Variants in XPNPEP1 observed in about 807,000 individuals in gnomAD.
The protein encoded by XPNPEP1 is xaa-Pro aminopeptidase 1.
In XPNPEP1, 39 loss-of-function variants were observed where a neutral mutation model predicts 92.4. The ratio of observed to expected loss-of-function variants is 0.42; its 90% CI spans 0.33 to 0.55. The LOEUF is 0.55. XPNPEP1 is among the 20% of genes least tolerant of loss of function. The pLI is 0.08. For synonymous variants in XPNPEP1, 307 were observed against 299.4 expected, an observed-to-expected ratio of 1.03 and a Z score of -0.26; for missense variants, 654 against 856.1, an observed-to-expected ratio of 0.76 and a Z score of 2.95.
chr10:109,907,881 G>T, intron 2 of XPNPEP1, 66 bp from the exon 3 acceptor site: 1 of 1,594,798 alleles, frequency 6.3e-7, no homozygotes, highest in South Asian at 1.1e-5. Context: ...CCAGTTCGAA[G>T]TGGGCCACAG....
At chr10:109,896,060 T>G (rs972333747) in intron 3 of XPNPEP1, among the ~76,000 whole-genome samples, 2 of 152,212 alleles carry the variant, frequency 1.3e-5, no homozygotes, top group Admixed American at 6.5e-5. Flanking sequence ...TCTTTGCATA[T>G]CCTGAGCTCA....
chr10:109,889,911 T>C (rs527958786), intron 5 of XPNPEP1, among the ~76,000 whole-genome samples: 11 of 152,358 alleles, frequency 7.2e-5, no homozygotes, highest in African/African-American at 2.6e-4. Context: ...ATTCTGCTAT[T>C]TGATTCTTTC....
chr10:109,893,294 C>T, intron 3 of XPNPEP1: 1 of 438,726 alleles, frequency 2.3e-6, no homozygotes, highest in Non-Finnish European at 4.1e-6. Flanking sequence ...CCTTTAGCCT[C>T]TATTTCCTCA....
intron 5 of XPNPEP1, among the ~76,000 whole-genome samples, chr10:109,890,628 G>A (rs910701373): frequency 1.3e-5 from 2 of 148,408 alleles, no homozygotes; most frequent in African/African-American, 5.0e-5. Flanking sequence ...GAGAGAGAAA[G>A]GGAAAGAGAA....
rs1469975191 is a variant in XPNPEP1, at chr10:109,873,426, C to T, written c.1393G>A (p.Asp465Asn). ...YLIDSGAQYK[D>N]GTTDVTRTMH... ...GTCCGCGTCACATCTGTGGTGCCAT[C>T]CCTTTCCAAAAAAAGGACAAATTGG... is the stretch of plus-strand genomic sequence containing the variant. Residue 465 changes from aspartate (D) to asparagine (N), a missense_variant and splice_region_variant, in exon 16 of 21, where the codon GAT becomes AAT. Physicochemically the swap from Asp to Asn is conservative, Grantham distance 23. Coordinates refer to ENST00000502935, the MANE Select transcript of XPNPEP1 (RefSeq NM_020383.4). 6.2e-7 allele frequency: 1 copy of T among 1,614,052 alleles called. No individual in the cohort carries two copies. The highest frequency in any genetic ancestry group is 8.5e-7 in the Non-Finnish European group (1 of 1,179,990).
chr10:109,883,458 T>C (rs952564410), intron 9 of XPNPEP1, among the ~76,000 whole-genome samples: 2 of 152,196 alleles, frequency 1.3e-5, no homozygotes, highest in African/African-American at 2.4e-5. Flanking sequence ...ACAAGCAGAC[T>C]GGTGCCCACT....
At chr10:109,869,909 T>C (rs1847356582) in intron 19 of XPNPEP1, 44 bp downstream of exon 19, 1 of 1,599,858 alleles carries the variant, frequency 6.3e-7, no homozygotes, top group African/African-American at 1.3e-5. Flanking sequence ...CGAGGCGTGA[T>C]TATTGCTAAT....
At position 109,865,176 on chromosome 10, in the gene XPNPEP1, G is replaced by A. The variant is rs1362087169; in HGVS notation, c.*8C>T. 1 of 1,614,054 alleles carries A rather than the reference G, an allele frequency of 6.2e-7. No homozygotes were observed. Among genetic ancestry groups the A allele is most frequent in the African/African-American group, 1.3e-5 (1 of 75,024 alleles). ...CATTTTACAAAAACAAAACCGGGGA[G>A]GTATTTATTAATGCTGTTTGGAGAT... On this transcript the variant is annotated 3_prime_UTR_variant, in exon 21 of 21. Transcript: ENST00000502935.
chr10:109,908,006 A>G (rs1589621410), intron 2 of XPNPEP1, among the ~76,000 whole-genome samples, 191 bp from the exon 3 acceptor site: 1 of 152,216 alleles, frequency 6.6e-6, no homozygotes, highest in Admixed American at 6.5e-5. Flanking sequence ...GTTCTTAAAT[A>G]CTACCTCCAA....
intron 2 of XPNPEP1, 122 bp downstream of exon 2, chr10:109,914,889 T>G: frequency 2.1e-6 from 1 of 472,904 alleles, no homozygotes; most frequent in Non-Finnish European, 3.5e-6. Context: ...TTCCAGATAC[T>G]AACCCCCAGT....
At chr10:109,923,091 G>A (rs549561623) in intron 1 of XPNPEP1, 1 of 913,218 alleles carries the variant, frequency 1.1e-6, no homozygotes. Flanking sequence ...GCCTTCCCGC[G>A]GGCCAGGAAC....
At chr10:109,888,643 T>TAAGAAA in intron 5 of XPNPEP1, 48 bp from the exon 6 acceptor site, 1 of 1,436,296 alleles carries the variant, frequency 7.0e-7, no homozygotes, top group South Asian at 1.3e-5. Context: ...GGGCCCACGC[T>TAAGAAA]CATTATCCCA....
rs892795342 is a variant in XPNPEP1, at chr10:109,888,560, C to T, written c.451G>A (p.Val151Met). The change falls in exon 6 of 21, where the codon GTG becomes ATG. Residue 151 changes from valine to methionine, a missense_variant. Coordinates refer to ENST00000502935, the MANE Select transcript of XPNPEP1 (RefSeq NM_020383.4). Reference protein sequence around the residue: ...KDTPTQEDWLVSVLPEGSRVG... With the variant: ...KDTPTQEDWLMSVLPEGSRVG... ...CTGGATCCTTCAGGAAGCACACTCACCAGCCAGTCTTCCTGAGTTGGTGTG... is the reference window on the plus strand; with the variant it reads ...CTGGATCCTTCAGGAAGCACACTCATCAGCCAGTCTTCCTGAGTTGGTGTG... The T allele has an allele frequency of 1.2e-6, 2 of 1,611,176 alleles. No homozygotes were observed. Among genetic ancestry groups the T allele is most frequent in the Non-Finnish European group, 1.7e-6 (2 of 1,178,600 alleles).
chr10:109,907,918 C>T, intron 2 of XPNPEP1, 103 bp from the exon 3 acceptor site: 1 of 1,518,236 alleles, frequency 6.6e-7, no homozygotes. Context: ...CGTTCTGCCC[C>T]ACTCCCAGTT....
intron 3 of XPNPEP1, among the ~76,000 whole-genome samples, chr10:109,902,431 G>A (rs1445670552): frequency 1.3e-5 from 2 of 152,230 alleles, no homozygotes. Flanking sequence ...CAAGCAACTA[G>A]TAAGTAGCAA....
At position 109,882,428 on chromosome 10, in the gene XPNPEP1, C is replaced by A; in HGVS notation, c.1041+4G>T. On this transcript the variant is annotated splice_donor_region_variant and intron_variant, in intron 10 of 20. Coordinates refer to ENST00000502935, the MANE Select transcript of XPNPEP1 (RefSeq NM_020383.4). ...TTTAGATGGGCCAAAGTGGGGTCAC[C>A]AACCTTGGGGATGGTCTCGCTCACA... 1 of 1,607,942 alleles carries A rather than the reference C, an allele frequency of 6.2e-7. No individual in the cohort carries two copies. The highest frequency in any genetic ancestry group is 1.7e-5 in the Admixed American group (1 of 59,916).
chr10:109,893,868 C>T (rs994738051), intron 3 of XPNPEP1: 1 of 152,262 alleles, frequency 6.6e-6, no homozygotes, highest in Admixed American at 6.5e-5. Flanking sequence ...AAGCAGTCAA[C>T]TCCAGAGTCT....
At chr10:109,905,671 C>G (rs2133516212) in intron 3 of XPNPEP1, among the ~76,000 whole-genome samples, 1 of 152,270 alleles carries the variant, frequency 6.6e-6, no homozygotes, top group Middle Eastern at 3.4e-3. Flanking sequence ...GTTAACACTA[C>G]AGTATTGTAC....
rs1174749316 is a variant in XPNPEP1 at position 109,891,770 on chromosome 10, G to T, written c.367C>A (p.Leu123Ile). 1 of 1,598,674 alleles carries T rather than the reference G, an allele frequency of 6.3e-7. No individual in the cohort carries two copies. The highest frequency in any genetic ancestry group is 8.5e-7 in the Non-Finnish European group (1 of 1,175,602). The change falls in exon 5 of 21, where the codon CTC (leucine) becomes ATC (isoleucine). Residue 123 changes from leucine (L) to isoleucine (I), a missense_variant. Physicochemically the swap from Leu to Ile is conservative, Grantham distance 5. Coordinates refer to ENST00000502935, the MANE Select transcript of XPNPEP1 (RefSeq NM_020383.4). Reference protein sequence around the residue: ...AAMWTDGRYFLQAAKQMDSNW... With the variant: ...AAMWTDGRYFIQAAKQMDSNW... ...CTGTCCATTTGCTTGGCAGCCTGGA[G>T]AAAGTAGCGCCCGTCAGTCCACATG...
Sources: allele counts gnomAD v4.1 joint callset (sites outside exome capture counted in the v4.1 genomes callset), GRCh38; gene constraint gnomAD v4.1.1; transcripts MANE v1.5; gene names NCBI Gene and HGNC (gene_info 2026-07-23, HGNC 2026-07-21).